The following CCDC197 variants were observed in gnomAD, a reference collection of about 807,000 sequenced individuals.
The protein encoded by CCDC197 is coiled-coil domain containing 197.
CCDC197 carries 24 observed loss-of-function variants against 13.4 expected under a neutral mutation model. The observed-to-expected ratio is 1.80, with a 90% CI of 1.30 to 2.53. The LOEUF (loss-of-function observed/expected upper bound fraction) is 2.53. CCDC197 is among the 30% of genes most tolerant of loss of function. The pLI is 0.00. For missense variants in CCDC197, 255 were observed against 148.8 expected, an observed-to-expected ratio of 1.71 and a Z score of -3.71; for synonymous variants, 99 against 55.5, an observed-to-expected ratio of 1.78 and a Z score of -3.48.
chr14:94,005,791 T>G lies in CCDC197; in HGVS notation c.615+820T>G, dbSNP rs1890663903. On this transcript the variant is annotated intron_variant, in intron 6 of 6. Coordinates refer to ENST00000636493, the MANE Select transcript of CCDC197 (RefSeq NM_001351596.2). ...CTGGCTGCTTTCATTTAGCATAATG[T>G]TTTCAAGGTTCATCCATGTCCCAGC... Among the ~76,000 whole-genome samples, 4 of 152,202 alleles carry G rather than the reference T, an allele frequency of 2.6e-5. No individual in the cohort carries two copies. In the South Asian group the frequency reaches 8.3e-4, roughly 32 times the overall value.
intron 6 of CCDC197, among the ~76,000 whole-genome samples, chr14:94,008,364 A>G (rs1329963135): frequency 6.6e-6 from 1 of 152,182 alleles, no homozygotes; most frequent in Non-Finnish European, 1.5e-5. Flanking sequence ...AGGAAGTCAC[A>G]CCAGGATCTG....
At chr14:93,989,556 T>A (rs12435096) in intron 1 of CCDC197, among the ~76,000 whole-genome samples, 6,434 of 152,306 alleles carry the variant, frequency 0.042, 196 homozygotes, top group African/African-American at 0.085. Context: ...TTCATCCAGA[T>A]GCAATGATTC....
downstream of CCDC197, among the ~76,000 whole-genome samples, chr14:94,010,590 C>T (rs1484068263): frequency 6.6e-6 from 1 of 152,188 alleles, no homozygotes; most frequent in Non-Finnish European, 1.5e-5. Context: ...AAGAGGGCAC[C>T]TCAGGTAGGG....
downstream of CCDC197, among the ~76,000 whole-genome samples, chr14:94,009,360 T>C (rs1890773303): frequency 6.6e-6 from 1 of 152,170 alleles, no homozygotes; most frequent in South Asian, 2.1e-4. Context: ...CTGAGCTGCC[T>C]GAAATGGTTG....
intron 1 of CCDC197, among the ~76,000 whole-genome samples, chr14:93,991,294 T>C (rs991694619): frequency 1.3e-5 from 2 of 152,202 alleles, no homozygotes; most frequent in Non-Finnish European, 2.9e-5. Flanking sequence ...GAAGAGGCCA[T>C]TCTCATTTAC....
chr14:93,994,972 C>G (rs1890256401), upstream of CCDC197, among the ~76,000 whole-genome samples: 1 of 152,172 alleles, frequency 6.6e-6, no homozygotes, highest in Non-Finnish European at 1.5e-5. Flanking sequence ...GGATTAATAT[C>G]AAAACTATTT....
At chr14:93,993,245 C>T (rs1890237910), upstream of CCDC197, among the ~76,000 whole-genome samples, 1 of 152,172 alleles carries the variant, frequency 6.6e-6, no homozygotes, top group African/African-American at 2.4e-5. Context: ...CAGCTCTGGG[C>T]TGCTTGCTTT....
chr14:93,990,681 T>C (rs895847475), intron 1 of CCDC197, among the ~76,000 whole-genome samples: 3 of 152,116 alleles, frequency 2.0e-5, no homozygotes, highest in African/African-American at 4.8e-5. Context: ...GGGGTGCACA[T>C]TGGGGTGGGT....
At chr14:94,008,158 C>T (rs1890738154) in intron 6 of CCDC197, among the ~76,000 whole-genome samples, 1 of 152,230 alleles carries the variant, frequency 6.6e-6, no homozygotes, top group South Asian at 2.1e-4. Context: ...TCAGATTGGG[C>T]CTCTGGATTG....
At chr14:93,995,144 C>T (rs896363856), upstream of CCDC197, among the ~76,000 whole-genome samples, 15 of 152,112 alleles carry the variant, frequency 9.9e-5, no homozygotes, top group African/African-American at 3.1e-4. Context: ...CCAGCCTCAC[C>T]GCCACTCTGA....
downstream of CCDC197, among the ~76,000 whole-genome samples, chr14:94,011,202 G>A (rs1332878961): frequency 6.6e-6 from 1 of 152,196 alleles, no homozygotes; most frequent in Non-Finnish European, 1.5e-5. Flanking sequence ...CCCGGGAGGT[G>A]CTGGAGAGAG....
Position 93,999,620 on chromosome 14 carries a change from C to T in CCDC197, c.142C>T (p.Leu48Phe). The T allele has an allele frequency of 1.3e-6, 1 of 781,036 alleles. No individual in the cohort carries two copies. The highest frequency in any genetic ancestry group is 2.4e-6 in the Non-Finnish European group (1 of 418,138). The allele number at this position is 781,036 out of a possible 1,614,324, so 48.4% of individuals were successfully genotyped here. ...KLKREVEKHK[L>F]FEDYLIKVLE... The stretch of plus-strand genomic sequence containing the variant: ...CAAGAGAGAAGTCGAGAAGCACAAG[C>T]TTTTTGAAGACTATCTGATTAAGGT... Residue 48 changes from leucine (L) to phenylalanine (F), a missense_variant, in exon 3 of 7, where the codon CTT becomes TTT. Physicochemically the swap from Leu to Phe is conservative, Grantham distance 22. Transcript: ENST00000636493.
intron 1 of CCDC197, among the ~76,000 whole-genome samples, chr14:93,988,828 G>A (rs1282070120): frequency 1.5e-5 from 2 of 131,426 alleles, no homozygotes; most frequent in Non-Finnish European, 3.3e-5. Context: ...GAAGGGATGG[G>A]AGAGGGCATG....
In CCDC197 at chr14:93,998,021, C is replaced by T. The variant is rs1890370806; in HGVS notation, c.-111C>T. ...GAGGTGGGGATGCTAACCCTGGCTTCCAAGGATCTGAAGAGGAAGCTGCGG... is the reference window on the plus strand; with the variant it reads ...GAGGTGGGGATGCTAACCCTGGCTTTCAAGGATCTGAAGAGGAAGCTGCGG... On this transcript the variant is annotated 5_prime_UTR_variant, in exon 2 of 7. Transcript: ENST00000636493. The T allele has an allele frequency of 4.4e-6, 3 of 683,958 alleles. No homozygotes were observed. Among genetic ancestry groups the T allele is most frequent in the African/African-American group, 1.7e-5 (1 of 57,154 alleles). 42.4% of individuals were successfully genotyped at this position (683,958 alleles called of 1,614,324 possible).
At chr14:93,987,632 C>T (rs1425152269) in intron 1 of CCDC197, among the ~76,000 whole-genome samples, 2 of 152,164 alleles carry the variant, frequency 1.3e-5, no homozygotes, top group African/African-American at 4.8e-5. Flanking sequence ...AGCCTGGCTC[C>T]CTTCCTCTTC....
chr14:93,991,646 A>C (rs143796871), intron 1 of CCDC197, among the ~76,000 whole-genome samples: 18 of 152,324 alleles, frequency 1.2e-4, no homozygotes, highest in African/African-American at 4.3e-4. Flanking sequence ...GGGGAGGGAG[A>C]AAATCCACAG....
rs778568792 is a variant in CCDC197, at chr14:93,998,225, C to T, written c.94C>T (p.Leu32Phe). 1.3e-6 allele frequency: 1 copy of T among 780,184 alleles called. No homozygotes were observed. Among genetic ancestry groups the T allele is most frequent in the South Asian group, 1.3e-5 (1 of 74,608 alleles). The allele number at this position is 780,184 out of a possible 1,614,324, so 48.3% of individuals were successfully genotyped here. A position where few individuals can be genotyped will look rare whatever the true frequency, so the allele number is the denominator to read the frequency against. The change falls in exon 2 of 7, where the codon CTC (leucine) becomes TTC (phenylalanine). Residue 32 changes from leucine (L) to phenylalanine (F), a missense_variant. Leu to Phe is a conservative substitution (Grantham distance 22). Coordinates refer to ENST00000636493, the MANE Select transcript of CCDC197 (RefSeq NM_001351596.2). Reference sequence around the variant, plus strand: ...AGGGCTGTGGCAGGAACTCTACCAGCTCCAGGCTAAGTATGTGTTGTCCCA... The same window carrying T: ...AGGGCTGTGGCAGGAACTCTACCAGTTCCAGGCTAAGTATGTGTTGTCCCA... ...LQGLWQELYQ[L>F]QAKQKKLKRE...
chr14:93,998,631 A>C (rs1455360562), intron 2 of CCDC197, among the ~76,000 whole-genome samples: 1 of 152,180 alleles, frequency 6.6e-6, no homozygotes, highest in Non-Finnish European at 1.5e-5. Flanking sequence ...GGGAGATAAG[A>C]CATTTCAGGC....
intron 1 of CCDC197, among the ~76,000 whole-genome samples, chr14:93,990,994 CATGACTG>C (rs1008814181): frequency 1.3e-5 from 2 of 152,144 alleles, no homozygotes; most frequent in Admixed American, 1.3e-4. Context: ...CCAGGCAGCT[CATGACTG>C]ATGAGAGCTG....
Sources: gnomAD v4.1 joint callset for allele counts (sites outside exome capture counted in the v4.1 genomes callset) on GRCh38, gnomAD v4.1.1 for gene constraint, MANE v1.5 for transcripts, NCBI Gene and HGNC (gene_info 2026-07-23, HGNC 2026-07-21) for gene names.